The following CITED2 variants were observed in gnomAD, a reference collection of about 807,000 sequenced individuals.
The protein encoded by CITED2 is Cbp/p300 interacting transactivator with ED-rich tail 2.
A neutral mutation model predicts 11.8 loss-of-function variants in CITED2; 2 were observed. The ratio of observed to expected loss-of-function variants is 0.17; its 90% CI spans 0.07 to 0.54. CITED2 has a LOEUF of 0.54. Ranked by LOEUF, CITED2 falls within the 20% of genes least tolerant of loss-of-function variation. CITED2 has a pLI of 0.94. For missense variants in CITED2, 437 were observed against 390.2 expected, an observed-to-expected ratio of 1.12 and a Z score of -1.01; for synonymous variants, 210 against 153.0, an observed-to-expected ratio of 1.37 and a Z score of -2.75.
In CITED2 at chr6:139,372,992, AGTTTATAGTTT is replaced by A; in HGVS notation, c.*129_*139del. 1 of 930,410 alleles carries A rather than the reference AGTTTATAGTTT, an allele frequency of 1.1e-6. No individual in the cohort carries two copies. 57.6% of individuals were successfully genotyped at this position (930,410 alleles called of 1,614,324 possible). ...ATTTTTTTTAAAACCAATTTGTACAAGTTTATAGTTTACTTTGTTTCCAAGTTCTCAAACCT... is the reference window on the plus strand; with the variant it reads ...ATTTTTTTTAAAACCAATTTGTACAAACTTTGTTTCCAAGTTCTCAAACCT... On this transcript the variant is annotated 3_prime_UTR_variant, in exon 2 of 2. Coordinates refer to ENST00000367651, the MANE Select transcript of CITED2 (RefSeq NM_006079.5).
intron 1 of CITED2, chr6:139,374,175 T>A (rs1778328606): frequency 6.9e-7 from 1 of 1,446,058 alleles, no homozygotes; most frequent in East Asian, 2.5e-5. Flanking sequence ...CCCCTTCCCC[T>A]GCGATCGGGC....
chr6:139,372,209 A>T lies in CITED2; in HGVS notation c.*923T>A, dbSNP rs531377022. 6.6e-6 allele frequency: 1 copy of T among 152,576 alleles called. No homozygotes were observed. The highest frequency in any genetic ancestry group is 1.5e-5 in the Non-Finnish European group (1 of 68,024). The allele number at this position is 152,576 out of a possible 1,614,324, so 9.5% of individuals were successfully genotyped here. A position where few individuals can be genotyped will look rare whatever the true frequency, so the allele number is the denominator to read the frequency against. ...TTCAACTCAAAGACGGGGGGAAAAA[A>T]GCCACCAAAGGGAACAACCACCCCC... is the stretch of plus-strand genomic sequence containing the variant. On this transcript the variant is annotated 3_prime_UTR_variant, in exon 2 of 2. Transcript: ENST00000367651.
At position 139,373,279 on chromosome 6, in the gene CITED2, G is replaced by A; in HGVS notation, c.666C>T (p.Phe222=). 2 of 1,614,022 alleles carry A rather than the reference G, an allele frequency of 1.2e-6. No homozygotes were observed. Among genetic ancestry groups the A allele is most frequent in the Non-Finnish European group, 1.7e-6 (2 of 1,180,016 alleles). The change falls in exon 2 of 2, where the codon TTC becomes TTT. Residue 222 remains phenylalanine, a synonymous_variant. Transcript: ENST00000367651. ...MLPPNVIDTD[F]IDEEVLMSLV... is the part of the protein sequence containing the mutation. Reference sequence around the variant, plus strand: ...AGGACATAAGAACTTCCTCGTCGATGAAATCAGTGTCTATGACATTGGGCG... The same window carrying A: ...AGGACATAAGAACTTCCTCGTCGATAAAATCAGTGTCTATGACATTGGGCG...
At chr6:139,373,976 T>G (rs759969965) in intron 1 of CITED2, 24 bp from the exon 2 acceptor site, 1 of 1,585,584 alleles carries the variant, frequency 6.3e-7, no homozygotes, top group South Asian at 1.1e-5. Flanking sequence ...GGGCAGATAA[T>G]GAGACCCGCG....
Position 139,373,249 on chromosome 6 carries a change from C to G in CITED2, c.696G>C (p.Val232=). 6.2e-7 allele frequency: 1 copy of G among 1,614,186 alleles called. No individual in the cohort carries two copies. ...TGATGCGGTCCAAACCCATTTCTAT[C>G]ACCAAGGACATAAGAACTTCCTCGT... ...FIDEEVLMSL[V]IEMGLDRIKE... The change falls in exon 2 of 2, where the codon GTG becomes GTC. Residue 232 remains valine (V), a synonymous_variant. Transcript: ENST00000367651.
At chr6:139,374,280 G>A (rs557250064) in intron 1 of CITED2, 133 bp downstream of exon 1, 7 of 1,054,436 alleles carry the variant, frequency 6.6e-6, no homozygotes, top group Non-Finnish European at 9.3e-6. Flanking sequence ...CATTAAATCA[G>A]CCCTCCTCAT....
rs972809014 is a variant in CITED2 at position 139,374,591 on chromosome 6, C to A, written c.-187G>T. On this transcript the variant is annotated 5_prime_UTR_variant, in exon 1 of 2. Coordinates refer to ENST00000367651, the MANE Select transcript of CITED2 (RefSeq NM_006079.5). ...ATTCGGAGCCGTTCCCTTTTATTTC[C>A]CCTCCGTTGCCCTCACAGCTCGGCA... 3.6e-5 allele frequency: 6 copies of A among 167,362 alleles called. No individual in the cohort carries two copies. The allele number at this position is 167,362 out of a possible 1,614,324, so 10.4% of individuals were successfully genotyped here.
chr6:139,373,355 C>A lies in CITED2; in HGVS notation c.590G>T (p.Gly197Val). 6.3e-7 allele frequency: 1 copy of A among 1,592,230 alleles called. No homozygotes were observed. Among genetic ancestry groups the A allele is most frequent in the African/African-American group, 1.4e-5 (1 of 73,422 alleles). ...CACGGAGGCGGGCATGTTGCCGCTG[C>A]CGCTGCCGCCGCCGCTGTTGCTGCT... is the stretch of plus-strand genomic sequence containing the variant. ...AGSSNSGGGSGSGNMPASVAH... is the reference protein window; with the variant it reads ...AGSSNSGGGSVSGNMPASVAH... Residue 197 changes from glycine (G) to valine (V), a missense_variant, in exon 2 of 2, where the codon GGC becomes GTC. By Grantham distance (109) the Gly-to-Val change is moderately radical. Transcript: ENST00000367651.
At position 139,373,294 on chromosome 6, in the gene CITED2, G is replaced by A; in HGVS notation, c.651C>T (p.Val217=). 6.2e-7 allele frequency: 1 copy of A among 1,613,842 alleles called. No homozygotes were observed. The change falls in exon 2 of 2, where the codon GTC becomes GTT. Residue 217 remains valine, a synonymous_variant. Transcript: ENST00000367651. Reference sequence around the variant, plus strand: ...CCTCGTCGATGAAATCAGTGTCTATGACATTGGGCGGCAGCATTGCAGCGG... The same window carrying A: ...CCTCGTCGATGAAATCAGTGTCTATAACATTGGGCGGCAGCATTGCAGCGG... ...HVPAAMLPPN[V]IDTDFIDEEV...
Position 139,372,890 on chromosome 6 carries a change from T to G in CITED2, c.*242A>C. 1.8e-6 allele frequency: 1 copy of G among 559,060 alleles called. No individual in the cohort carries two copies. Among genetic ancestry groups the G allele is most frequent in the Non-Finnish European group, 3.2e-6 (1 of 312,248 alleles). The allele number at this position is 559,060 out of a possible 1,614,324, so 34.6% of individuals were successfully genotyped here. A position where few individuals can be genotyped will look rare whatever the true frequency, so the allele number is the denominator to read the frequency against. Reference sequence around the variant, plus strand: ...CGAAAAAGACCAAGTTAGCTAGATATTTCAACTACATAAGGGAGGTGGGTG... The same window carrying G: ...CGAAAAAGACCAAGTTAGCTAGATAGTTCAACTACATAAGGGAGGTGGGTG... On this transcript the variant is annotated 3_prime_UTR_variant, in exon 2 of 2. Coordinates refer to ENST00000367651, the MANE Select transcript of CITED2 (RefSeq NM_006079.5).
intron 1 of CITED2, 135 bp from the exon 2 acceptor site, chr6:139,374,087 C>T: frequency 1.3e-6 from 2 of 1,516,792 alleles, no homozygotes; most frequent in Non-Finnish European, 1.8e-6. Flanking sequence ...CCCAAGATCC[C>T]ACTAACAGCC....
chr6:139,374,146 C>T, intron 1 of CITED2, 194 bp from the exon 2 acceptor site: 24 of 1,469,254 alleles, frequency 1.6e-5, no homozygotes, highest in Non-Finnish European at 2.2e-5. Flanking sequence ...CATAACACAG[C>T]CGGACGCTGC....
chr6:139,374,027 G>A lies in CITED2; in HGVS notation c.-8-75C>T, dbSNP rs906160652. On this transcript the variant is annotated intron_variant, in intron 1 of 1. Coordinates refer to ENST00000367651, the MANE Select transcript of CITED2 (RefSeq NM_006079.5). ...ACCACAGCGCACCCCACTTTTGCTC[G>A]CCTCTGCCCCCCAGGATTCCCGGGC... The A allele has an allele frequency of 2.6e-6, 4 of 1,533,340 alleles. No homozygotes were observed. In the Admixed American group the frequency reaches 7.8e-5, roughly 30 times the overall value. 95.0% of individuals were successfully genotyped at this position (1,533,340 alleles called of 1,614,324 possible). A position where few individuals can be genotyped will look rare whatever the true frequency, so the allele number is the denominator to read the frequency against.
Position 139,373,350 on chromosome 6 carries a change from C to G in CITED2, c.595G>C (p.Gly199Arg). 1 of 1,591,136 alleles carries G rather than the reference C, an allele frequency of 6.3e-7. No homozygotes were observed. Among genetic ancestry groups the G allele is most frequent in the South Asian group, 1.1e-5 (1 of 89,228 alleles). The stretch of plus-strand genomic sequence containing the variant: ...TGGGCCACGGAGGCGGGCATGTTGC[C>G]GCTGCCGCTGCCGCCGCCGCTGTTG... ...SSNSGGGSGS[G>R]NMPASVAHVP... Residue 199 changes from glycine to arginine, a missense_variant, in exon 2 of 2, where the codon GGC (glycine) becomes CGC (arginine). Around this residue, in one of 3 missense-constraint regions of CITED2, gnomAD observed 396 missense variants for 325.2 expected, o/e 1.22. Transcript: ENST00000367651.
In CITED2 at chr6:139,372,729, C is replaced by T. The variant is rs913158082; in HGVS notation, c.*403G>A. On this transcript the variant is annotated 3_prime_UTR_variant, in exon 2 of 2. Coordinates refer to ENST00000367651, the MANE Select transcript of CITED2 (RefSeq NM_006079.5). The stretch of plus-strand genomic sequence containing the variant: ...ATGCAACCAACTAATGCAATTTTTC[C>T]TTTCACTCGTAAATCTGAATGCAGT... 4 of 225,924 alleles carry T rather than the reference C, an allele frequency of 1.8e-5. No individual in the cohort carries two copies. The highest frequency in any genetic ancestry group is 4.5e-5 in the African/African-American group (2 of 44,284). The allele number at this position is 225,924 out of a possible 1,614,324, so 14.0% of individuals were successfully genotyped here. A position where few individuals can be genotyped will look rare whatever the true frequency, so the allele number is the denominator to read the frequency against.
chr6:139,374,236 G>C (rs1374334699), intron 1 of CITED2, 177 bp downstream of exon 1: 1 of 1,407,634 alleles, frequency 7.1e-7, no homozygotes, highest in Non-Finnish European at 9.3e-7. Flanking sequence ...GCCTAATAAA[G>C]GAAGTGCCCC....
Position 139,372,191 on chromosome 6 carries a change from C to CA in CITED2, c.*940dup, listed in dbSNP as rs932353100. 9 of 152,264 alleles carry CA rather than the reference C, an allele frequency of 5.9e-5. No individual in the cohort carries two copies. Among genetic ancestry groups the CA allele is most frequent in the East Asian group, 1.9e-4 (1 of 5,196 alleles). 9.4% of individuals were successfully genotyped at this position (152,264 alleles called of 1,614,324 possible). ...TTACTCTCATCAATAGTGTTCAACT[C>CA]AAAGACGGGGGGAAAAAAGCCACCA... On this transcript the variant is annotated 3_prime_UTR_variant, in exon 2 of 2. Coordinates refer to ENST00000367651, the MANE Select transcript of CITED2 (RefSeq NM_006079.5).
Position 139,373,669 on chromosome 6 carries a change from C to G in CITED2, c.276G>C (p.Arg92Ser). The G allele has an allele frequency of 1.9e-6, 3 of 1,612,900 alleles. No homozygotes were observed. Among genetic ancestry groups the G allele is most frequent in the Non-Finnish European group, 2.5e-6 (3 of 1,179,752 alleles). ...GACCCATGAACTGGGAGTTGTTAAA[C>G]CTGGCCGCGGGGGCCAGCGCGCTCG... ...HPPSALAPAARFNNSQFMGPP... is the reference protein window; with the variant it reads ...HPPSALAPAASFNNSQFMGPP... Residue 92 changes from arginine (R) to serine (S), a missense_variant, in exon 2 of 2, where the codon AGG (arginine) becomes AGC (serine). This residue lies in a region of CITED2 where 396 missense variants were observed against 325.2 expected (regional missense o/e 1.22). Transcript: ENST00000367651.
chr6:139,373,865 C>G lies in CITED2; in HGVS notation c.80G>C (p.Arg27Pro), dbSNP rs1176150698. 3 of 1,603,210 alleles carry G rather than the reference C, an allele frequency of 1.9e-6. No individual in the cohort carries two copies. The change falls in exon 2 of 2, where the codon CGC becomes CCC. Residue 27 changes from arginine to proline, a missense_variant. Around this residue, in one of 3 missense-constraint regions of CITED2, gnomAD observed 396 missense variants for 325.2 expected, o/e 1.22. Transcript: ENST00000367651. Reference sequence around the variant, plus strand: ...GCTCGGGAACTGCCCCATGCCCATGCGGTGGGCAGGGTGATGGTGCAGCCC... The same window carrying G: ...GCTCGGGAACTGCCCCATGCCCATGGGGTGGGCAGGGTGATGGTGCAGCCC... ...TNGLHHHPAH[R>P]MGMGQFPSPH...
Sources: allele counts gnomAD v4.1 joint callset, GRCh38; gene constraint gnomAD v4.1.1; regional missense constraint gnomAD v4.1.1; transcripts MANE v1.5; gene names NCBI Gene and HGNC (gene_info 2026-07-23, HGNC 2026-07-21).